ANKS1B: variants seen among roughly 807,000 people sequenced by gnomAD.
ANKS1B encodes the protein ankyrin repeat and sterile alpha motif domain containing 1B.
In ANKS1B, 36 loss-of-function variants were observed where a neutral mutation model predicts 148.3. The ratio of observed to expected loss-of-function variants is 0.24; its 90% CI spans 0.19 to 0.32. ANKS1B has a LOEUF of 0.32. Ranked by LOEUF, ANKS1B falls within the 10% of genes least tolerant of loss-of-function variation. The pLI, the probability that ANKS1B is intolerant of heterozygous loss-of-function variation, is 1.00. For missense variants in ANKS1B, 1,157 were observed against 1,542.6 expected, an observed-to-expected ratio of 0.75 and a Z score of 4.19; for synonymous variants, 542 against 560.8, an observed-to-expected ratio of 0.97 and a Z score of 0.47.
At chr12:98,912,236 A>G (rs970130331) in intron 17 of ANKS1B, among the ~76,000 whole-genome samples, 1 of 152,162 alleles carries the variant, frequency 6.6e-6, no homozygotes, top group East Asian at 1.9e-4. Flanking sequence ...GAGGTTATGA[A>G]CCATGGCAGC....
rs1331272920 is a variant in ANKS1B, at chr12:98,751,284, A to G, written c.3747+71T>C. 16 of 1,509,740 alleles carry G rather than the reference A, an allele frequency of 1.1e-5. No individual in the cohort carries two copies. Among genetic ancestry groups the G allele is most frequent in the African/African-American group, 6.9e-5 (5 of 72,202 alleles). 93.5% of individuals were successfully genotyped at this position (1,509,740 alleles called of 1,614,324 possible). ...GGTTCTAATGGCACCCACACCACAC[A>G]AGGGCCTGGTTAGCAGCCCCTTTTC... On this transcript the variant is annotated intron_variant, in intron 26 of 26. Transcript: ENST00000683438. The surrounding 1 kb of genome is among the most constrained non-coding windows in gnomAD (Gnocchi z 4.3).
chr12:99,099,936 G>A (rs927971038), intron 15 of ANKS1B: 7 of 152,156 alleles, frequency 4.6e-5, no homozygotes, highest in Admixed American at 6.5e-5. Flanking sequence ...TTTGGACTGA[G>A]CTCCACAGAT....
intron 16 of ANKS1B, among the ~76,000 whole-genome samples, chr12:99,059,877 G>C (rs1453672886): frequency 6.9e-6 from 1 of 145,448 alleles, no homozygotes; most frequent in East Asian, 2.1e-4. Flanking sequence ...GTACCCACAG[G>C]GAGCACTGTG....
In ANKS1B at chr12:99,433,056, G is replaced by T. The variant is rs183867536; in HGVS notation, c.1575+10617C>A. ...GCACAATAATCAATGCCAGTAACAA[G>T]ATATGAAGCTTTTTCAAAGGTCTAG... On this transcript the variant is annotated intron_variant, in intron 11 of 26. Transcript: ENST00000683438. Among the ~76,000 whole-genome samples, 13 of 152,280 alleles carry T rather than the reference G, an allele frequency of 8.5e-5. No individual in the cohort carries two copies. In the East Asian group the frequency reaches 2.5e-3, roughly 29 times the overall value.
At chr12:99,366,326 GTC>G (rs1473073986) in intron 12 of ANKS1B, among the ~76,000 whole-genome samples, 1 of 151,924 alleles carries the variant, frequency 6.6e-6, no homozygotes, top group African/African-American at 2.4e-5. Context: ...ATTTCCTTTT[GTC>G]TCTCAGCCTC....
In ANKS1B at chr12:98,773,735, C is replaced by T. The variant is rs963707632; in HGVS notation, c.3442-556G>A. Among the ~76,000 whole-genome samples, 9 of 152,308 alleles carry T rather than the reference C, an allele frequency of 5.9e-5. No homozygotes were observed. The East Asian group carries it at 1.4e-3, about 23-fold the overall frequency. On this transcript the variant is annotated intron_variant, in intron 24 of 26. Transcript: ENST00000683438. ...CCTCCCAAAGTGCTGGGATTACAGG[C>T]GTGAGTCACCGCGTCCGGCCTCCAC...
chr12:99,002,735 A>T (rs1345379551), intron 17 of ANKS1B, among the ~76,000 whole-genome samples: 1 of 152,172 alleles, frequency 6.6e-6, no homozygotes, highest in African/African-American at 2.4e-5. Context: ...TATTTCAGAA[A>T]TTAACCCCTT....
chr12:99,350,339 A>AT (rs547349737), intron 12 of ANKS1B, among the ~76,000 whole-genome samples: 43 of 151,898 alleles, frequency 2.8e-4, no homozygotes, highest in African/African-American at 8.7e-4. Context: ...AGGCTCAGGT[A>AT]TTTTTTTTAT....
At chr12:99,173,733 G>A (rs2153836996) in intron 14 of ANKS1B, among the ~76,000 whole-genome samples, 1 of 152,238 alleles carries the variant, frequency 6.6e-6, no homozygotes, top group African/African-American at 2.4e-5. Context: ...GCCAACCTGG[G>A]AATCTGTCAT....
chr12:99,778,440 G>A (rs549030897), intron 6 of ANKS1B, among the ~76,000 whole-genome samples: 15 of 150,398 alleles, frequency 1.0e-4, no homozygotes, highest in African/African-American at 2.9e-4. Context: ...CCCGGGAGGC[G>A]GAGGCTGCAG....
At chr12:99,402,790 G>A (rs1013197415) in intron 11 of ANKS1B, among the ~76,000 whole-genome samples, 4 of 146,104 alleles carry the variant, frequency 2.7e-5, no homozygotes, top group Admixed American at 2.0e-4. Flanking sequence ...TACGCATGAC[G>A]TGTCTTTGTA....
At chr12:98,799,718 G>C (rs35070158) in intron 21 of ANKS1B, among the ~76,000 whole-genome samples, 2 of 151,756 alleles carry the variant, frequency 1.3e-5, no homozygotes, top group African/African-American at 4.8e-5. Flanking sequence ...AATGCCCCTC[G>C]TGCTCCAGCT....
At chr12:98,740,266 G>A (rs777854926), downstream of ANKS1B, among the ~76,000 whole-genome samples, 6 of 152,104 alleles carry the variant, frequency 3.9e-5, no homozygotes, top group African/African-American at 9.7e-5. Flanking sequence ...AAATGTCCCC[G>A]GGTGATTCCA....
intron 4 of ANKS1B, among the ~76,000 whole-genome samples, chr12:99,793,319 A>C (rs1237321333): frequency 1.3e-5 from 2 of 152,086 alleles, no homozygotes; most frequent in Non-Finnish European, 2.9e-5. Context: ...GACATTTTTC[A>C]CAGAAATGGA....
At chr12:99,033,687 T>G (rs897333162) in intron 17 of ANKS1B, among the ~76,000 whole-genome samples, 2 of 151,908 alleles carry the variant, frequency 1.3e-5, no homozygotes, top group African/African-American at 4.8e-5. Flanking sequence ...GTAACTTGTA[T>G]CATTATTGCT....
In ANKS1B at chr12:99,232,302, G is replaced by A. The variant is rs10777964; in HGVS notation, c.2419+12040C>T. Among the ~76,000 whole-genome samples, 3 of 152,114 alleles carry A rather than the reference G, an allele frequency of 2.0e-5. 1 individual carries two copies. Among genetic ancestry groups the A allele is most frequent in the Non-Finnish European group, 4.4e-5 (3 of 68,020 alleles). On this transcript the variant is annotated intron_variant, in intron 14 of 26. Transcript: ENST00000683438. ...TTAACCTTAAGTATAAGAAGAAAAT[G>A]CCAGCCTTAAAAATACATTTTAACT...
At chr12:99,834,125 C>T (rs900698003) in intron 1 of ANKS1B, among the ~76,000 whole-genome samples, 2 of 152,130 alleles carry the variant, frequency 1.3e-5, no homozygotes, top group Admixed American at 6.6e-5. Flanking sequence ...AAAGGTTCTG[C>T]TTCATTCCAA....
chr12:99,452,799 C>G (rs1005318545), intron 10 of ANKS1B, among the ~76,000 whole-genome samples: 1 of 152,062 alleles, frequency 6.6e-6, no homozygotes, highest in African/African-American at 2.4e-5. Context: ...TTAAATATAC[C>G]GGGTTTGAAC....
At chr12:99,501,861 A>T (rs1043780928) in intron 10 of ANKS1B, among the ~76,000 whole-genome samples, 2 of 152,240 alleles carry the variant, frequency 1.3e-5, no homozygotes, top group Admixed American at 6.5e-5. Flanking sequence ...ACTAATAAAA[A>T]GAAATTCCTA....
Sources: gnomAD v4.1 joint callset for allele counts (sites outside exome capture counted in the v4.1 genomes callset) on GRCh38, gnomAD v4.1.1 for gene constraint, Gnocchi (gnomAD v3.1) non-coding constraint, MANE v1.5 for transcripts, NCBI Gene and HGNC (gene_info 2026-07-23, HGNC 2026-07-21) for gene names.